The following TCF7L2 variants were observed in gnomAD, a reference collection of about 807,000 sequenced individuals.
The protein encoded by TCF7L2 is transcription factor 7-like 2.
TCF7L2 carries 23 observed loss-of-function variants against 77.9 expected under a neutral mutation model. The observed-to-expected ratio is 0.30, with a 90% CI of 0.21 to 0.42. The LOEUF (loss-of-function observed/expected upper bound fraction) is 0.42. TCF7L2 is among the 10% of genes least tolerant of loss of function. The pLI is 1.00. For synonymous variants in TCF7L2, 413 were observed against 340.2 expected, an observed-to-expected ratio of 1.21 and a Z score of -2.36; for missense variants, 654 against 793.1, an observed-to-expected ratio of 0.82 and a Z score of 2.11.
intron 4 of TCF7L2, among the ~76,000 whole-genome samples, chr10:113,001,682 A>T (rs996297379): frequency 2.6e-5 from 4 of 152,188 alleles, no homozygotes; most frequent in African/African-American, 9.6e-5. Context: ...CATGCCCCCT[A>T]ACACATACAC....
At chr10:113,068,397 G>A (rs2057526705) in intron 5 of TCF7L2, among the ~76,000 whole-genome samples, 1 of 152,228 alleles carries the variant, frequency 6.6e-6, no homozygotes, top group African/African-American at 2.4e-5. Context: ...CGGTTACCCA[G>A]AAGCCCTCGT....
chr10:113,103,983 C>G (rs2061968555), intron 5 of TCF7L2, among the ~76,000 whole-genome samples: 1 of 152,196 alleles, frequency 6.6e-6, no homozygotes, highest in South Asian at 2.1e-4. Context: ...TACGCCCCCA[C>G]TTTTGTGGGA....
At chr10:113,121,717 C>T (rs1291384464) in intron 5 of TCF7L2, among the ~76,000 whole-genome samples, 1 of 151,962 alleles carries the variant, frequency 6.6e-6, no homozygotes, top group East Asian at 1.9e-4. Context: ...CACACGTACG[C>T]ACTTGCACAC....
chr10:113,120,067 C>T (rs1389423004), intron 5 of TCF7L2, among the ~76,000 whole-genome samples: 2 of 152,216 alleles, frequency 1.3e-5, no homozygotes, highest in Non-Finnish European at 2.9e-5. Context: ...TAAGCTGTTG[C>T]CGCGGGCTGA....
At chr10:113,103,082 C>CT (rs1037287695) in intron 5 of TCF7L2, among the ~76,000 whole-genome samples, 13 of 151,582 alleles carry the variant, frequency 8.6e-5, no homozygotes, top group African/African-American at 3.2e-4. Flanking sequence ...CTGGTGCAGA[C>CT]TTTTTTTTTC....
In TCF7L2 at chr10:113,049,617, C is replaced by G. The variant is rs77848308; in HGVS notation, c.552+9491C>G. The stretch of plus-strand genomic sequence containing the variant: ...CTTTGTAACAGCCTATCATCTATCT[C>G]TGGTCTCCATAGCTCACTCCCATAC... On this transcript the variant is annotated intron_variant, in intron 5 of 13. Transcript: ENST00000627217. 3.3e-5 allele frequency among the ~76,000 whole-genome samples: 5 copies of G among 152,138 alleles called. No individual in the cohort carries two copies. In the East Asian group the frequency reaches 7.7e-4, roughly 24 times the overall value.
intron 5 of TCF7L2, among the ~76,000 whole-genome samples, chr10:113,068,912 T>C (rs892679134): frequency 4.6e-5 from 7 of 150,842 alleles, no homozygotes; most frequent in African/African-American, 1.7e-4. Flanking sequence ...TTTTTTTTTT[T>C]AATTTCCCAA....
chr10:113,066,966 G>A (rs1457968157), intron 5 of TCF7L2, among the ~76,000 whole-genome samples: 4 of 152,202 alleles, frequency 2.6e-5, no homozygotes, highest in African/African-American at 9.6e-5. Context: ...GAATATGGAG[G>A]TTTCTTCAGA....
chr10:113,046,452 G>T (rs2134419321), intron 5 of TCF7L2, among the ~76,000 whole-genome samples: 1 of 152,238 alleles, frequency 6.6e-6, no homozygotes, highest in South Asian at 2.1e-4. Flanking sequence ...TCTTAAGAGA[G>T]TTCTACCTTT....
chr10:112,993,530 G>T (rs1176938124), intron 4 of TCF7L2, among the ~76,000 whole-genome samples: 1 of 151,940 alleles, frequency 6.6e-6, no homozygotes, highest in Non-Finnish European at 1.5e-5. Flanking sequence ...AAAAGAAAAT[G>T]CTTTTGCCAT....
chr10:113,064,978 T>C (rs140110324), intron 5 of TCF7L2, among the ~76,000 whole-genome samples: 3 of 152,224 alleles, frequency 2.0e-5, no homozygotes, highest in Admixed American at 2.0e-4. Flanking sequence ...TCAGCCTTCA[T>C]ATTTCCATGC....
At chr10:112,951,135 T>A in intron 1 of TCF7L2, 72 bp from the exon 2 acceptor site, 1 of 1,375,666 alleles carries the variant, frequency 7.3e-7, no homozygotes, top group Non-Finnish European at 9.9e-7. Flanking sequence ...TCGCCGATTC[T>A]TTTTCTCCCC....
chr10:113,005,698 G>A (rs1228211088), intron 4 of TCF7L2, among the ~76,000 whole-genome samples: 1 of 152,176 alleles, frequency 6.6e-6, no homozygotes, highest in Non-Finnish European at 1.5e-5. Context: ...GGTCTGCAAA[G>A]GGGTTGGCTG....
At chr10:113,130,284 C>T (rs542700475) in intron 5 of TCF7L2, among the ~76,000 whole-genome samples, 1 of 152,020 alleles carries the variant, frequency 6.6e-6, no homozygotes, top group African/African-American at 2.4e-5. Context: ...TCCCAAAGTA[C>T]GGGTGAGCTG....
chr10:113,161,898 A>AT (rs2073223298), intron 13 of TCF7L2, among the ~76,000 whole-genome samples: 3 of 152,064 alleles, frequency 2.0e-5, no homozygotes, highest in African/African-American at 7.2e-5. Flanking sequence ...GGAATGAGGG[A>AT]TTTGGGGGCG....
intron 13 of TCF7L2, chr10:113,161,655 G>A (rs567018450): frequency 3.9e-5 from 59 of 1,527,854 alleles, no homozygotes; most frequent in Admixed American, 1.8e-4. Context: ...TGCCTCCCTC[G>A]TCACGTGTCC....
At position 113,102,456 on chromosome 10, in the gene TCF7L2, G is replaced by T. The variant is rs375706602; in HGVS notation, c.553-38728G>T. Among the ~76,000 whole-genome samples, 237 of 148,400 alleles carry T rather than the reference G, an allele frequency of 1.6e-3. 4 individuals carry two copies. The South Asian group carries it at 0.025, about 16-fold the overall frequency. On this transcript the variant is annotated intron_variant, in intron 5 of 13. Transcript: ENST00000627217. ...TTTTTTTTTTTTGAGACAGAGTCTC[G>T]CTCTGTCGCCGAGGCTGGAGTGCAT...
At chr10:113,074,071 C>T (rs920666712) in intron 5 of TCF7L2, among the ~76,000 whole-genome samples, 2 of 152,122 alleles carry the variant, frequency 1.3e-5, no homozygotes, top group Non-Finnish European at 2.9e-5. Context: ...GTTTCTGGGG[C>T]GGTCGCAGGC....
chr10:113,157,348 C>T (rs968380418), intron 11 of TCF7L2, among the ~76,000 whole-genome samples: 4 of 152,188 alleles, frequency 2.6e-5, no homozygotes, highest in African/African-American at 4.8e-5. Flanking sequence ...GAACTCCTGA[C>T]TTCAGGTGAT....
Sources: gnomAD v4.1 joint callset for allele counts (sites outside exome capture counted in the v4.1 genomes callset) on GRCh38, gnomAD v4.1.1 for gene constraint, MANE v1.5 for transcripts, NCBI Gene and HGNC (gene_info 2026-07-23, HGNC 2026-07-21) for gene names.